Variants in NPR3 observed in about 807,000 individuals in gnomAD.
The protein encoded by NPR3 is natriuretic peptide receptor 3, also known as atrial natriuretic peptide receptor 3.
Under a neutral mutation model 54.5 loss-of-function variants are expected in NPR3, and 34 were observed. The observed-to-expected ratio is 0.62, with a 90% CI of 0.47 to 0.83. NPR3 has a LOEUF of 0.83. NPR3 is among the 40% of genes least tolerant of loss of function. The probability of loss-of-function intolerance (pLI) is 0.00; values close to 1 mark genes in which losing one functional copy is unlikely to be tolerated. For synonymous variants in NPR3, 289 were observed against 297.1 expected (o/e 0.97, Z 0.28); for missense variants, 674 against 720.8 (o/e 0.94, Z 0.74).
chr5:32,752,921 C>G (rs3828585), intron 3 of NPR3, among the ~76,000 whole-genome samples: 1 of 152,196 alleles, frequency 6.6e-6, no homozygotes, highest in East Asian at 1.9e-4. Flanking sequence ...GTTTATTCCT[C>G]TAATCTTTAC....
chr5:32,690,944 C>G (rs1173878733), intron 1 of NPR3, among the ~76,000 whole-genome samples: 1 of 152,216 alleles, frequency 6.6e-6, no homozygotes, highest in Admixed American at 6.5e-5. Flanking sequence ...GTGAGTGTGG[C>G]TCTCTTGGAC....
chr5:32,742,526 GTAT>G (rs1740088588), intron 3 of NPR3, among the ~76,000 whole-genome samples: 1 of 151,978 alleles, frequency 6.6e-6, no homozygotes, highest in Non-Finnish European at 1.5e-5. Flanking sequence ...TTGAATTTTA[GTAT>G]TAAATATATT....
intron 2 of NPR3, among the ~76,000 whole-genome samples, chr5:32,732,247 CAAAAAAAAAAA>C (rs34564234): frequency 0.014 from 458 of 33,014 alleles, 4 homozygotes; most frequent in African/African-American, 0.039. Flanking sequence ...GACTCCGTCT[CAAAAAAAAAAA>C]AAAAAAAAAA....
chr5:32,723,142 A>T (rs1738952641), intron 1 of NPR3, among the ~76,000 whole-genome samples: 1 of 152,224 alleles, frequency 6.6e-6, no homozygotes, highest in Admixed American at 6.5e-5. Flanking sequence ...TACAAAGAAC[A>T]TACACATCTT....
intron 3 of NPR3, among the ~76,000 whole-genome samples, chr5:32,755,858 G>T (rs60317497): frequency 0.041 from 6,309 of 152,188 alleles, 150 homozygotes; most frequent in Non-Finnish European, 0.051. Context: ...GCGGTGTTTG[G>T]TTTTTTGTTC....
chr5:32,755,292 A>G (rs1332280765), intron 3 of NPR3, among the ~76,000 whole-genome samples: 1 of 152,190 alleles, frequency 6.6e-6, no homozygotes, highest in Non-Finnish European at 1.5e-5. Flanking sequence ...GTGGTGACAT[A>G]TATTTATGGT....
chr5:32,715,546 T>C (rs988649009), intron 1 of NPR3, among the ~76,000 whole-genome samples: 7 of 152,160 alleles, frequency 4.6e-5, no homozygotes, highest in African/African-American at 1.7e-4. Context: ...TCTTTTTTTT[T>C]CCTGTCATGT....
rs377214467 is a variant in NPR3 at position 32,789,813 on chromosome 5, G to A, written c.*3468G>A. On this transcript the variant is annotated 3_prime_UTR_variant, in exon 8 of 8. Transcript: ENST00000265074. Reference sequence around the variant, plus strand: ...GATTCAGAAAGTAGGTTCCAGTGGCGTCACTACCTTCTTGTAAGCCAGTAT... The same window carrying A: ...GATTCAGAAAGTAGGTTCCAGTGGCATCACTACCTTCTTGTAAGCCAGTAT... 16 of 493,720 alleles carry A rather than the reference G, an allele frequency of 3.2e-5. No homozygotes were observed. Among genetic ancestry groups the A allele is most frequent in the East Asian group, 5.5e-5 (1 of 18,034 alleles). 30.6% of individuals were successfully genotyped at this position (493,720 alleles called of 1,614,324 possible).
chr5:32,737,058 A>T (rs1242406792), intron 2 of NPR3, among the ~76,000 whole-genome samples: 1 of 152,114 alleles, frequency 6.6e-6, no homozygotes, highest in Non-Finnish European at 1.5e-5. Flanking sequence ...TGTCAGGCAC[A>T]TTTGCACCTT....
chr5:32,786,335 C>A lies in NPR3; in HGVS notation c.1616C>A (p.Ser539Ter). The stretch of plus-strand genomic sequence containing the variant: ...GAAGATTCCATCAGATCCCATTTTT[C>A]AGTAGCTTAAAGGAAGCCCCCCACT... Reference protein sequence around the residue: ...LREDSIRSHFSVA With the variant: ...LREDSIRSHF Residue 539 changes from serine (S) to a stop codon, truncating the protein, a stop_gained, in exon 8 of 8, where the codon TCA becomes TAA. Transcript: ENST00000265074. LOFTEE classifies it high-confidence loss of function. 1.3e-6 allele frequency: 2 copies of A among 1,486,436 alleles called. No homozygotes were observed. The highest frequency in any genetic ancestry group is 1.9e-6 in the Non-Finnish European group (2 of 1,073,774). The allele number at this position is 1,486,436 out of a possible 1,614,324, so 92.1% of individuals were successfully genotyped here. A position where few individuals can be genotyped will look rare whatever the true frequency, so the allele number is the denominator to read the frequency against.
upstream of NPR3, chr5:32,709,638 T>A (rs1041806510): frequency 1.3e-5 from 2 of 152,152 alleles, no homozygotes; most frequent in Admixed American, 1.3e-4. Context: ...AGTGAAGATT[T>A]CGGGATCACA....
chr5:32,747,992 A>G (rs1740388814), intron 3 of NPR3, among the ~76,000 whole-genome samples: 1 of 152,150 alleles, frequency 6.6e-6, no homozygotes, highest in African/African-American at 2.4e-5. Context: ...GTGCTCAAGC[A>G]ATCCTCCTAC....
chr5:32,786,243 C>T lies in NPR3; in HGVS notation c.1524C>T (p.Tyr508=), dbSNP rs1167387791. 2.8e-6 allele frequency: 4 copies of T among 1,422,248 alleles called. No individual in the cohort carries two copies. The highest frequency in any genetic ancestry group is 3.9e-6 in the Non-Finnish European group (4 of 1,021,564). The allele number at this position is 1,422,248 out of a possible 1,614,324, so 88.1% of individuals were successfully genotyped here. A position where few individuals can be genotyped will look rare whatever the true frequency, so the allele number is the denominator to read the frequency against. ...CTTTCCCTTTACCCAGGAAGAAATA[C>T]AGAATAACCATTGAGAGGCGAACCC... The part of the protein sequence containing the change: ...LMAFYFFRKK[Y]RITIERRTQQ... Residue 508 remains tyrosine, a synonymous_variant, in exon 8 of 8, where the codon TAC becomes TAT. Coordinates refer to ENST00000265074, the MANE Select transcript of NPR3 (RefSeq NM_001204375.2).
chr5:32,715,702 A>G (rs1287217417), intron 1 of NPR3, among the ~76,000 whole-genome samples: 1 of 152,252 alleles, frequency 6.6e-6, no homozygotes, highest in Non-Finnish European at 1.5e-5. Context: ...TTTTAAAAAG[A>G]CAGGCTTAGA....
intron 2 of NPR3, among the ~76,000 whole-genome samples, chr5:32,727,816 A>G (rs1394621993): frequency 6.6e-6 from 1 of 152,160 alleles, no homozygotes; most frequent in African/African-American, 2.4e-5. Context: ...CTGTTTTGAT[A>G]GTTGAACATC....
At position 32,789,390 on chromosome 5, in the gene NPR3, A is replaced by G. The variant is rs199908934; in HGVS notation, c.*3045A>G. On this transcript the variant is annotated 3_prime_UTR_variant, in exon 8 of 8. Transcript: ENST00000265074. ...AGAGTCCATCTCTCCCTCAAGACTG[A>G]CCACAGGTTTCATGAGAAGGTCCCT... is the stretch of plus-strand genomic sequence containing the variant. 10 of 503,042 alleles carry G rather than the reference A, an allele frequency of 2.0e-5. No homozygotes were observed. Among genetic ancestry groups the G allele is most frequent in the African/African-American group, 2.0e-4 (10 of 50,336 alleles). The allele number at this position is 503,042 out of a possible 1,614,324, so 31.2% of individuals were successfully genotyped here.
At chr5:32,760,063 T>A (rs2112009787) in intron 3 of NPR3, among the ~76,000 whole-genome samples, 1 of 152,220 alleles carries the variant, frequency 6.6e-6, no homozygotes, top group Admixed American at 6.5e-5. Flanking sequence ...AAAAAGTTGC[T>A]GAGTAATACT....
chr5:32,759,875 G>A (rs1404190896), intron 3 of NPR3, among the ~76,000 whole-genome samples: 1 of 152,108 alleles, frequency 6.6e-6, no homozygotes, highest in East Asian at 1.9e-4. Flanking sequence ...AGCTTAGTTT[G>A]GTTGGATATG....
chr5:32,737,012 T>C (rs1441235381), intron 2 of NPR3, among the ~76,000 whole-genome samples: 1 of 152,224 alleles, frequency 6.6e-6, no homozygotes, highest in African/African-American at 2.4e-5. Flanking sequence ...CTGCCTTTTC[T>C]CGGGCTCTAG....
Sources: gnomAD v4.1 joint callset for allele counts (sites outside exome capture counted in the v4.1 genomes callset) on GRCh38, gnomAD v4.1.1 for gene constraint, MANE v1.5 for transcripts, NCBI Gene and HGNC (gene_info 2026-07-23, HGNC 2026-07-21) for gene names.